RYR2: variants seen among roughly 807,000 people sequenced by gnomAD.
RYR2 encodes the protein cardiac muscle ryanodine receptor-calcium release channel.
A neutral mutation model predicts 601.1 loss-of-function variants in RYR2; 227 were observed. The ratio of observed to expected loss-of-function variants is 0.38; its 90% CI spans 0.34 to 0.42. RYR2 has a LOEUF of 0.42. Ranked by LOEUF, RYR2 falls within the 10% of genes least tolerant of loss-of-function variation. RYR2 has a pLI of 1.00. For synonymous variants in RYR2, 2,223 were observed against 2,175.1 expected, an observed-to-expected ratio of 1.02 and a Z score of -0.61; for missense variants, 4,646 against 6,156.5, an observed-to-expected ratio of 0.75 and a Z score of 8.21.
chr1:237,825,413 G>T (rs1662980570), intron 101 of RYR2, among the ~76,000 whole-genome samples: 1 of 152,162 alleles, frequency 6.6e-6, no homozygotes, highest in Non-Finnish European at 1.5e-5. Context: ...AAGCACTGGG[G>T]AAAAGATTCC....
In RYR2 at chr1:237,821,686, A is replaced by G. The variant is rs561049703; in HGVS notation, c.14590+2494A>G. Among the ~76,000 whole-genome samples the G allele has an allele frequency of 5.9e-5, 9 of 152,218 alleles. No homozygotes were observed. The South Asian group carries it at 1.9e-3, about 32-fold the overall frequency. On this transcript the variant is annotated intron_variant, in intron 101 of 104. Transcript: ENST00000366574. Reference sequence around the variant, plus strand: ...GACGGAAAATGAGTTTGACAAATTGACAGAAGTAAGCTTCAGAAGGTGGGT... The same window carrying G: ...GACGGAAAATGAGTTTGACAAATTGGCAGAAGTAAGCTTCAGAAGGTGGGT...
intron 92 of RYR2, among the ~76,000 whole-genome samples, chr1:237,790,417 C>T (rs1658233162): frequency 6.6e-6 from 1 of 152,130 alleles, no homozygotes; most frequent in Non-Finnish European, 1.5e-5. Context: ...CTTGTACTAA[C>T]TTTCTAACGG....
intron 10 of RYR2, among the ~76,000 whole-genome samples, chr1:237,410,533 T>C (rs1704346977): frequency 6.6e-6 from 1 of 152,210 alleles, no homozygotes; most frequent in Admixed American, 6.5e-5. Context: ...CTGCCTTTTT[T>C]TGCAAATAAA....
At position 237,717,324 on chromosome 1, in the gene RYR2, G is replaced by A; in HGVS notation, c.10450G>A (p.Gly3484Arg). Residue 3484 changes from glycine (G) to arginine (R), a missense_variant, in exon 72 of 105, where the codon GGG (glycine) becomes AGG (arginine). Gly to Arg is a moderately radical substitution (Grantham distance 125). This residue lies in a region of RYR2 where 1,497 missense variants were observed against 1,842.6 expected (regional missense o/e 0.81). Coordinates refer to ENST00000366574, the MANE Select transcript of RYR2 (RefSeq NM_001035.3). Reference protein sequence around the residue: ...LPIGLNICAPGDQELIALAKN... With the variant: ...LPIGLNICAPRDQELIALAKN... ...CATTGGGTTGAACATCTGTGCCCCTGGGGACCAGGAGCTCATTGCTCTGGC... is the reference window on the plus strand; with the variant it reads ...CATTGGGTTGAACATCTGTGCCCCTAGGGACCAGGAGCTCATTGCTCTGGC... The A allele has an allele frequency of 6.2e-7, 1 of 1,611,512 alleles. No homozygotes were observed. Among genetic ancestry groups the A allele is most frequent in the Non-Finnish European group, 8.5e-7 (1 of 1,178,344 alleles).
intron 76 of RYR2, among the ~76,000 whole-genome samples, chr1:237,728,834 A>T (rs567754521): frequency 6.4e-4 from 98 of 152,102 alleles, no homozygotes; most frequent in Non-Finnish European, 1.1e-3. Context: ...CCTAATGCAT[A>T]TGGGGCTTAA....
intron 2 of RYR2, among the ~76,000 whole-genome samples, chr1:237,282,186 G>A (rs576722236): frequency 2.4e-4 from 31 of 126,938 alleles, no homozygotes; most frequent in East Asian, 5.7e-4. Context: ...AGAAGTTGGC[G>A]CATTTTTTTT....
At chr1:237,758,991 G>A (rs1693185320) in intron 82 of RYR2, among the ~76,000 whole-genome samples, 1 of 152,094 alleles carries the variant, frequency 6.6e-6, no homozygotes, top group Non-Finnish European at 1.5e-5. Context: ...GATTCCTATT[G>A]TTTTTTCAAT....
intron 1 of RYR2, among the ~76,000 whole-genome samples, chr1:237,055,095 G>A (rs571845015): frequency 6.6e-6 from 1 of 152,104 alleles, no homozygotes; most frequent in Non-Finnish European, 1.5e-5. Context: ...CTTGGTAAAT[G>A]ATCCCTCATT....
At chr1:237,624,750 T>G (rs902320878) in intron 39 of RYR2, among the ~76,000 whole-genome samples, 6 of 152,336 alleles carry the variant, frequency 3.9e-5, no homozygotes, top group African/African-American at 9.6e-5. Flanking sequence ...GACGTGTGTG[T>G]GTTTTTATTC....
chr1:237,412,431 T>C (rs1264349752), intron 10 of RYR2, among the ~76,000 whole-genome samples: 3 of 152,194 alleles, frequency 2.0e-5, no homozygotes, highest in African/African-American at 7.2e-5. Context: ...AAAGTACTGT[T>C]GAACAAGCTC....
At chr1:237,804,617 A>G (rs765103722) in intron 98 of RYR2, among the ~76,000 whole-genome samples, 20 of 152,114 alleles carry the variant, frequency 1.3e-4, no homozygotes, top group Admixed American at 5.9e-4. Context: ...TTTCCAGCCT[A>G]TGTGAATAAT....
At chr1:237,428,706 CTT>C (rs1306771442) in intron 12 of RYR2, among the ~76,000 whole-genome samples, 1 of 149,764 alleles carries the variant, frequency 6.7e-6, no homozygotes, top group Non-Finnish European at 1.5e-5. Context: ...CCATGGCACA[CTT>C]ATACCTATGT....
At chr1:237,792,768 A>G (rs937421859) in intron 94 of RYR2, among the ~76,000 whole-genome samples, 1 of 152,212 alleles carries the variant, frequency 6.6e-6, no homozygotes, top group Non-Finnish European at 1.5e-5. Flanking sequence ...ACTTGGCCCT[A>G]CAGAAGTGAG....
rs112340591 is a variant in RYR2 at position 237,307,911 on chromosome 1, C to T, written c.169-22967C>T. On this transcript the variant is annotated intron_variant, in intron 2 of 104. Coordinates refer to ENST00000366574, the MANE Select transcript of RYR2 (RefSeq NM_001035.3). Reference sequence around the variant, plus strand: ...ATTATCAGAGGCATTCGAGCCAGAGCGACTCCATTTTGAGTGAAGGCTAGG... The same window carrying T: ...ATTATCAGAGGCATTCGAGCCAGAGTGACTCCATTTTGAGTGAAGGCTAGG... Among the ~76,000 whole-genome samples, 57 of 126,642 alleles carry T rather than the reference C, an allele frequency of 4.5e-4. 1 individual carries two copies. The highest frequency in any genetic ancestry group is 1.0e-3 in the African/African-American group (35 of 34,834). 83.1% of individuals were successfully genotyped at this position (126,642 alleles called of 152,430 possible). A position where few individuals can be genotyped will look rare whatever the true frequency, so the allele number is the denominator to read the frequency against.
intron 1 of RYR2, among the ~76,000 whole-genome samples, chr1:237,061,673 G>A (rs1193700629): frequency 6.6e-6 from 1 of 152,086 alleles, no homozygotes; most frequent in Non-Finnish European, 1.5e-5. Context: ...TGTTAGATAC[G>A]TCTATTGCAA....
intron 1 of RYR2, among the ~76,000 whole-genome samples, chr1:237,224,120 G>A (rs1376933997): frequency 6.6e-6 from 1 of 152,058 alleles, no homozygotes; most frequent in African/African-American, 2.4e-5. Context: ...AGTAACGTAT[G>A]TTTGAACTCC....
intron 6 of RYR2, among the ~76,000 whole-genome samples, chr1:237,371,780 A>G (rs1700661924): frequency 6.6e-6 from 1 of 152,224 alleles, no homozygotes; most frequent in African/African-American, 2.4e-5. Flanking sequence ...CATCATTCTC[A>G]GCAAACTATC....
intron 84 of RYR2, among the ~76,000 whole-genome samples, chr1:237,768,672 A>G (rs1375428496): frequency 1.3e-5 from 2 of 152,200 alleles, no homozygotes; most frequent in Non-Finnish European, 2.9e-5. Context: ...ACATCACAAA[A>G]TAGACTGCTG....
intron 17 of RYR2, among the ~76,000 whole-genome samples, chr1:237,482,646 C>G (rs1167665586): frequency 2.6e-5 from 4 of 152,134 alleles, no homozygotes; most frequent in Admixed American, 6.5e-5. Flanking sequence ...CAATTATGAA[C>G]AGTACTGCAA....
Sources: gnomAD v4.1 joint callset for allele counts (sites outside exome capture counted in the v4.1 genomes callset) on GRCh38, gnomAD v4.1.1 for gene constraint, gnomAD v4.1.1 regional missense constraint, MANE v1.5 for transcripts, NCBI Gene and HGNC (gene_info 2026-07-23, HGNC 2026-07-21) for gene names.